Variants in RORA observed in about 807,000 individuals in gnomAD.
RORA encodes RAR related orphan receptor A.
Under a neutral mutation model 69.5 loss-of-function variants are expected in RORA, and 7 were observed. The observed-to-expected ratio is 0.10, with a 90% CI of 0.06 to 0.19. RORA has a LOEUF of 0.19. Among genes scored for constraint, RORA ranks in the 10% least tolerant of loss-of-function variants. The probability of loss-of-function intolerance (pLI) is 1.00; values close to 1 mark genes in which losing one functional copy is unlikely to be tolerated. For missense variants in RORA, 457 were observed against 663.0 expected (o/e 0.69, Z 3.41); for synonymous variants, 261 against 240.8 (o/e 1.08, Z -0.78).
chr15:61,082,260 G>A (rs369520054), intron 1 of RORA, among the ~76,000 whole-genome samples: 56 of 152,282 alleles, frequency 3.7e-4, no homozygotes, highest in African/African-American at 1.1e-3. Context: ...AGGCCGCGGC[G>A]GGCGAATCAC....
chr15:60,871,906 A>G (rs976001980), intron 1 of RORA, among the ~76,000 whole-genome samples: 2 of 152,252 alleles, frequency 1.3e-5, no homozygotes, highest in African/African-American at 2.4e-5. Flanking sequence ...TTGGCAAATG[A>G]ATCATAGTTA....
chr15:61,121,850 A>T (rs1252075140), intron 1 of RORA, among the ~76,000 whole-genome samples: 2 of 66,648 alleles, frequency 3.0e-5, no homozygotes, highest in African/African-American at 5.2e-5. Flanking sequence ...ACTTCCTATA[A>T]AAAAAAAAAA....
chr15:60,635,871 C>T (rs2069828375), intron 2 of RORA, among the ~76,000 whole-genome samples: 1 of 152,152 alleles, frequency 6.6e-6, no homozygotes, highest in Non-Finnish European at 1.5e-5. Context: ...CTGTTCATCT[C>T]CTATCCTCTG....
At chr15:60,585,600 T>C (rs1235509075) in intron 2 of RORA, among the ~76,000 whole-genome samples, 4 of 152,338 alleles carry the variant, frequency 2.6e-5, no homozygotes, top group Admixed American at 6.5e-5. Context: ...TTTTAAAAGA[T>C]ATTCAAGGGT....
chr15:61,204,726 C>T (rs1330970671), intron 1 of RORA, among the ~76,000 whole-genome samples: 1 of 152,220 alleles, frequency 6.6e-6, no homozygotes, highest in Non-Finnish European at 1.5e-5. Flanking sequence ...AGAGCACTTC[C>T]TCACTGGTAT....
At chr15:61,130,028 C>T (rs1430571402) in intron 1 of RORA, among the ~76,000 whole-genome samples, 1 of 152,152 alleles carries the variant, frequency 6.6e-6, no homozygotes, top group African/African-American at 2.4e-5. Flanking sequence ...CTGATAGTGT[C>T]TCCTTTCCTT....
intron 1 of RORA, among the ~76,000 whole-genome samples, chr15:60,895,992 A>G (rs990456393): frequency 1.3e-5 from 2 of 152,220 alleles, no homozygotes; most frequent in African/African-American, 4.8e-5. Context: ...AGGGGCACAC[A>G]TTTTAATTCC....
chr15:60,597,118 C>T (rs2068683608), intron 2 of RORA, among the ~76,000 whole-genome samples: 1 of 152,172 alleles, frequency 6.6e-6, no homozygotes, highest in Admixed American at 6.5e-5. Flanking sequence ...TTGCGCAGCA[C>T]TGTGCCACTC....
At chr15:60,765,823 C>T (rs539396133) in intron 1 of RORA, among the ~76,000 whole-genome samples, 1 of 152,198 alleles carries the variant, frequency 6.6e-6, no homozygotes, top group African/African-American at 2.4e-5. Flanking sequence ...TTTACGTGCA[C>T]TGTGGTTCTA....
chr15:61,154,943 G>C (rs777441136), intron 1 of RORA, among the ~76,000 whole-genome samples: 4 of 152,214 alleles, frequency 2.6e-5, no homozygotes, highest in Non-Finnish European at 5.9e-5. Flanking sequence ...TTTGGGCACA[G>C]ATGCAGAGAT....
At chr15:61,051,498 A>G (rs1437819161) in intron 1 of RORA, among the ~76,000 whole-genome samples, 1 of 152,074 alleles carries the variant, frequency 6.6e-6, no homozygotes, top group East Asian at 1.9e-4. Context: ...CAATCCAGTG[A>G]TCCCCTGCGA....
intron 2 of RORA, among the ~76,000 whole-genome samples, chr15:60,599,306 T>C (rs12442703): frequency 0.2 from 30,158 of 152,096 alleles, 3,663 homozygotes; most frequent in East Asian, 0.46. Flanking sequence ...ATCCCAGCAC[T>C]TTGGGAGGCC....
chr15:61,011,827 A>G (rs1895096478), intron 1 of RORA, among the ~76,000 whole-genome samples: 1 of 152,238 alleles, frequency 6.6e-6, no homozygotes, highest in South Asian at 2.1e-4. Context: ...AAGAAGAAAT[A>G]TTCTTCACTT....
chr15:60,824,528 C>T (rs995107714), intron 1 of RORA, among the ~76,000 whole-genome samples: 1 of 151,964 alleles, frequency 6.6e-6, no homozygotes, highest in Non-Finnish European at 1.5e-5. Context: ...ACTTGGTGTG[C>T]TCATGGCCAT....
intron 1 of RORA, among the ~76,000 whole-genome samples, chr15:61,200,838 G>C (rs574936210): frequency 2.0e-5 from 3 of 152,258 alleles, no homozygotes; most frequent in African/African-American, 7.2e-5. Flanking sequence ...CTTCTCCCAG[G>C]GTAGTCAACA....
intron 1 of RORA, among the ~76,000 whole-genome samples, chr15:61,118,669 C>T (rs2079072182): frequency 6.6e-6 from 1 of 152,058 alleles, no homozygotes; most frequent in Non-Finnish European, 1.5e-5. Context: ...AACCTGGAGC[C>T]GGACGGCAAT....
intron 2 of RORA, chr15:60,592,379 G>T (rs1383302938): frequency 3.5e-6 from 5 of 1,421,462 alleles, no homozygotes; most frequent in South Asian, 1.4e-5. Flanking sequence ...CGGGGCGCCC[G>T]GGCTCACCTT....
At chr15:60,515,532 C>A (rs909173730) in intron 3 of RORA, among the ~76,000 whole-genome samples, 1 of 152,070 alleles carries the variant, frequency 6.6e-6, no homozygotes, top group Non-Finnish European at 1.5e-5. Context: ...TTTTTGCTAA[C>A]TTCCTGAGCT....
chr15:60,884,904 T>C (rs188650513), intron 1 of RORA, among the ~76,000 whole-genome samples: 356 of 152,272 alleles, frequency 2.3e-3, no homozygotes, highest in Admixed American at 3.9e-3. Context: ...GCAAGGATGA[T>C]TGGGAATCCA....
Sources: gnomAD v4.1 joint callset for allele counts (sites outside exome capture counted in the v4.1 genomes callset) on GRCh38, gnomAD v4.1.1 for gene constraint, MANE v1.5 for transcripts, NCBI Gene and HGNC (gene_info 2026-07-23, HGNC 2026-07-21) for gene names.